The following SLC30A9 variants were observed in gnomAD, a reference collection of about 807,000 sequenced individuals.
SLC30A9 encodes the protein solute carrier family 30 member 9.
A neutral mutation model predicts 87.5 loss-of-function variants in SLC30A9; 58 were observed. That is an observed-to-expected ratio of 0.66 (90% CI 0.54 to 0.82). SLC30A9 has a LOEUF of 0.82. Among genes scored for constraint, SLC30A9 ranks in the 40% least tolerant of loss-of-function variants. The probability of loss-of-function intolerance (pLI) is 0.00; values close to 1 mark genes in which losing one functional copy is unlikely to be tolerated. For synonymous variants in SLC30A9, 234 were observed against 233.0 expected (o/e 1.00, Z -0.04); for missense variants, 557 against 679.1 (o/e 0.82, Z 2.00).
Position 42,067,088 on chromosome 4 carries a change from T to C in SLC30A9, c.1148T>C (p.Met383Thr). 3 of 1,601,200 alleles carry C rather than the reference T, an allele frequency of 1.9e-6. No individual in the cohort carries two copies. The highest frequency in any genetic ancestry group is 2.6e-6 in the Non-Finnish European group (3 of 1,169,036). The change falls in exon 14 of 18, where the codon ATG becomes ACG. Residue 383 changes from methionine (M) to threonine (T), a missense_variant. By Grantham distance (81) the Met-to-Thr change is moderately conservative (BLOSUM62 -1). Coordinates refer to ENST00000264451, the MANE Select transcript of SLC30A9 (RefSeq NM_006345.4). ...AKGMSFYKYV[M>T]ESRDPSTNVI... is the part of the protein sequence containing the mutation. ...TTGTCTCTTCCCCAATGACTAGTAA[T>C]GGAAAGTCGTGATCCTAGTACAAAT...
intron 2 of SLC30A9, among the ~76,000 whole-genome samples, chr4:42,011,379 A>G (rs1674824762): frequency 6.6e-6 from 1 of 152,188 alleles, no homozygotes; most frequent in Admixed American, 6.5e-5. Context: ...TATGGGGATT[A>G]TAATTCAAGG....
In SLC30A9 at chr4:42,035,320, T is replaced by TG. The variant is rs1716635062; in HGVS notation, c.659dup (p.Asn221LysfsTer14). On this transcript the variant is annotated frameshift_variant, in exon 7 of 18. Transcript: ENST00000264451. LOFTEE classifies it high-confidence loss of function. ...ATATTAAGAGAATACAGAGATTTCT[T>TG]GGGAAATACCAAGGTATGGATATCT... 3.1e-6 allele frequency: 5 copies of TG among 1,602,548 alleles called. No homozygotes were observed. The highest frequency in any genetic ancestry group is 4.3e-6 in the Non-Finnish European group (5 of 1,172,156).
At chr4:42,080,057 G>A (rs1188321097) in intron 17 of SLC30A9, among the ~76,000 whole-genome samples, 1 of 152,206 alleles carries the variant, frequency 6.6e-6, no homozygotes. Flanking sequence ...GCCTTCAGTT[G>A]TAGTGATTTG....
At chr4:42,059,930 A>G (rs1450067699) in intron 9 of SLC30A9, among the ~76,000 whole-genome samples, 2 of 151,912 alleles carry the variant, frequency 1.3e-5, no homozygotes, top group Non-Finnish European at 2.9e-5. Flanking sequence ...TTTATCATTT[A>G]TTTTGTCATT....
chr4:42,010,476 C>CAAAAT lies in SLC30A9; in HGVS notation c.275-7611_275-7607dup, dbSNP rs369461044. Among the ~76,000 whole-genome samples the CAAAAT allele has an allele frequency of 1.4e-3, 213 of 152,026 alleles. 6 individuals are homozygous for CAAAAT. Among genetic ancestry groups the CAAAAT allele is most frequent in the Admixed American group, 4.1e-3 (63 of 15,272 alleles). On this transcript the variant is annotated intron_variant, in intron 2 of 17. Coordinates refer to ENST00000264451, the MANE Select transcript of SLC30A9 (RefSeq NM_006345.4). The stretch of plus-strand genomic sequence containing the variant: ...TGGGCGACACAGCAAGATCCTGTCT[C>CAAAAT]AAAATAAAATAAAATAAAATAAAAT...
chr4:42,085,465 T>C (rs1226929858), intron 17 of SLC30A9, among the ~76,000 whole-genome samples: 1 of 152,254 alleles, frequency 6.6e-6, no homozygotes, highest in Non-Finnish European at 1.5e-5. Context: ...GTAATTAGGT[T>C]ATGAGGCTTT....
At chr4:42,039,084 A>C in intron 8 of SLC30A9, 31 bp downstream of exon 8, 1 of 1,486,886 alleles carries the variant, frequency 6.7e-7, no homozygotes, top group South Asian at 1.1e-5. Flanking sequence ...TTTGTGAAAT[A>C]GAATATATTC....
intron 15 of SLC30A9, among the ~76,000 whole-genome samples, chr4:42,072,083 T>G (rs555657615): frequency 6.6e-6 from 1 of 152,326 alleles, no homozygotes; most frequent in Non-Finnish European, 1.5e-5. Context: ...ATTTATAATA[T>G]TCCTTTGTAA....
chr4:42,033,922 G>A lies in SLC30A9; in HGVS notation c.611-1353G>A, dbSNP rs563665215. Among the ~76,000 whole-genome samples, 7 of 152,120 alleles carry A rather than the reference G, an allele frequency of 4.6e-5. No homozygotes were observed. The East Asian group carries it at 7.7e-4, about 17-fold the overall frequency. On this transcript the variant is annotated intron_variant, in intron 6 of 17. Coordinates refer to ENST00000264451, the MANE Select transcript of SLC30A9 (RefSeq NM_006345.4). ...TCTGTCATGAGGACTATGCTATAGC[G>A]GTAAATAGAGACATTTCTTCATTTA...
intron 13 of SLC30A9, 116 bp from the exon 14 acceptor site, chr4:42,066,969 C>CT (rs1355906210): frequency 1.5e-5 from 10 of 664,932 alleles, no homozygotes; most frequent in African/African-American, 7.3e-5. Context: ...CTCTCATACA[C>CT]TTTTTTATCT....
chr4:41,997,050 A>AAATAAATAAATAAATC (rs1714746694), intron 1 of SLC30A9, among the ~76,000 whole-genome samples: 1 of 151,116 alleles, frequency 6.6e-6, no homozygotes, highest in East Asian at 1.9e-4. Context: ...ATAAATAAAT[A>AAATAAATAAATAAATC]AATAAATAAA....
intron 14 of SLC30A9, among the ~76,000 whole-genome samples, chr4:42,069,359 A>G (rs1344995309): frequency 2.0e-5 from 3 of 152,194 alleles, no homozygotes; most frequent in Non-Finnish European, 2.9e-5. Flanking sequence ...TTCTTAAAAA[A>G]GGTATTTTCT....
chr4:42,051,878 C>G (rs1287312735), intron 9 of SLC30A9, among the ~76,000 whole-genome samples: 2 of 151,612 alleles, frequency 1.3e-5, no homozygotes, highest in African/African-American at 2.4e-5. Flanking sequence ...ACCCTGATGC[C>G]AAAATTTTAC....
chr4:42,055,535 C>T (rs955705060), intron 9 of SLC30A9, among the ~76,000 whole-genome samples: 6 of 152,242 alleles, frequency 3.9e-5, no homozygotes, highest in South Asian at 2.1e-4. Flanking sequence ...TACAGGCGCC[C>T]GCCACCACGC....
rs930177955 is a variant in SLC30A9, at chr4:42,087,684, T to A, written c.*1558T>A. The stretch of plus-strand genomic sequence containing the variant: ...CCAGTTTTATTTTTAAGATAGAAAA[T>A]TGTTATATATATATATAATTTGATA... On this transcript the variant is annotated 3_prime_UTR_variant, in exon 18 of 18. Coordinates refer to ENST00000264451, the MANE Select transcript of SLC30A9 (RefSeq NM_006345.4). 2 of 151,162 alleles carry A rather than the reference T, an allele frequency of 1.3e-5. No homozygotes were observed. The highest frequency in any genetic ancestry group is 2.4e-5 in the African/African-American group (1 of 41,094). 9.4% of individuals were successfully genotyped at this position (151,162 alleles called of 1,614,324 possible). A position where few individuals can be genotyped will look rare whatever the true frequency, so the allele number is the denominator to read the frequency against.
At chr4:42,006,542 C>T (rs1715209611) in intron 2 of SLC30A9, among the ~76,000 whole-genome samples, 1 of 152,054 alleles carries the variant, frequency 6.6e-6, no homozygotes, top group South Asian at 2.1e-4. Context: ...CAAAAATTAG[C>T]TGGGCATAGT....
intron 14 of SLC30A9, 122 bp from the exon 15 acceptor site, chr4:42,070,404 A>T: frequency 1.5e-6 from 1 of 684,316 alleles, no homozygotes; most frequent in Non-Finnish European, 2.4e-6. Context: ...GGAAGTAATT[A>T]AAGAAATTAG....
chr4:41,991,326 T>C (rs1228451144), intron 1 of SLC30A9, among the ~76,000 whole-genome samples: 1 of 152,246 alleles, frequency 6.6e-6, no homozygotes, highest in Non-Finnish European at 1.5e-5. Context: ...AAGAAACTCT[T>C]CAGTTCGGCT....
In SLC30A9 at chr4:42,088,125, T is replaced by G. The variant is rs970799935; in HGVS notation, c.*1999T>G. 2.0e-5 allele frequency: 3 copies of G among 152,186 alleles called. No individual in the cohort carries two copies. The highest frequency in any genetic ancestry group is 7.2e-5 in the African/African-American group (3 of 41,438). 9.4% of individuals were successfully genotyped at this position (152,186 alleles called of 1,614,324 possible). Reference sequence around the variant, plus strand: ...ATGTTGCCATCTTTTCTAATTCTGTTTTGCACTGATAAACTTACATAAAGT... The same window carrying G: ...ATGTTGCCATCTTTTCTAATTCTGTGTTGCACTGATAAACTTACATAAAGT... On this transcript the variant is annotated 3_prime_UTR_variant, in exon 18 of 18. Transcript: ENST00000264451.
Sources: allele counts gnomAD v4.1 joint callset (sites outside exome capture counted in the v4.1 genomes callset), GRCh38; gene constraint gnomAD v4.1.1; transcripts MANE v1.5; gene names NCBI Gene and HGNC (gene_info 2026-07-23, HGNC 2026-07-21).